Variants in TMEM51 observed in about 807,000 individuals in gnomAD.
TMEM51 encodes the protein chromosome 1 open reading frame 72.
Under a neutral mutation model 13.6 loss-of-function variants are expected in TMEM51, and 8 were observed. That is an observed-to-expected ratio of 0.59 (90% CI 0.35 to 1.07). TMEM51 has a LOEUF of 1.07. TMEM51 is among the 50% of genes least tolerant of loss of function. The probability of loss-of-function intolerance (pLI) is 0.02; values close to 1 mark genes in which losing one functional copy is unlikely to be tolerated. For synonymous variants in TMEM51, 147 were observed against 144.4 expected (o/e 1.02, Z -0.13); for missense variants, 279 against 330.7 (o/e 0.84, Z 1.21).
At position 15,207,455 on chromosome 1, in the gene TMEM51, C is replaced by T. The variant is rs967293757; in HGVS notation, c.-266-3035C>T. On this transcript the variant is annotated intron_variant, in intron 1 of 3. Coordinates refer to ENST00000376008, the MANE Select transcript of TMEM51 (RefSeq NM_001136218.2). The surrounding 1 kb of genome is among the most constrained non-coding windows in gnomAD (Gnocchi z 4.6). ...CCCCGTTTCAGCCGGGGCAGCGCTG[C>T]TTTCCATCGTCCCATCTTATTTCAG... 1.3e-5 allele frequency among the ~76,000 whole-genome samples: 2 copies of T among 152,386 alleles called. No homozygotes were observed. Among genetic ancestry groups the T allele is most frequent in the South Asian group, 4.1e-4 (2 of 4,830 alleles).
intron 1 of TMEM51, among the ~76,000 whole-genome samples, chr1:15,154,971 G>A (rs1227238495): frequency 1.3e-5 from 2 of 152,132 alleles, no homozygotes; most frequent in African/African-American, 4.8e-5. Context: ...CTCTAGGACC[G>A]GCCGGCTTCT....
In TMEM51 at chr1:15,207,617, A is replaced by T. The variant is rs1644273624; in HGVS notation, c.-266-2873A>T. Among the ~76,000 whole-genome samples, 1 of 152,174 alleles carries T rather than the reference A, an allele frequency of 6.6e-6. No homozygotes were observed. The highest frequency in any genetic ancestry group is 6.5e-5 in the Admixed American group (1 of 15,270). On this transcript the variant is annotated intron_variant, in intron 1 of 3. Transcript: ENST00000376008. The surrounding 1 kb of genome is among the most constrained non-coding windows in gnomAD (Gnocchi z 4.6). Reference sequence around the variant, plus strand: ...GCCCCGACTCCTCCACACCCACTGCACAGCCCCTCCCTGCCGGCTCTGGTT... The same window carrying T: ...GCCCCGACTCCTCCACACCCACTGCTCAGCCCCTCCCTGCCGGCTCTGGTT...
chr1:15,215,941 C>T (rs1344228152), intron 3 of TMEM51, among the ~76,000 whole-genome samples: 6 of 152,060 alleles, frequency 3.9e-5, no homozygotes, highest in African/African-American at 7.2e-5. Flanking sequence ...GCATGAGAAT[C>T]GCTTGAACCC....
intron 1 of TMEM51, among the ~76,000 whole-genome samples, chr1:15,200,841 C>T (rs1255940249): frequency 1.3e-5 from 2 of 152,052 alleles, no homozygotes; most frequent in Non-Finnish European, 2.9e-5. Context: ...AAGGGAAAAA[C>T]GACACTAAGA....
intron 1 of TMEM51, among the ~76,000 whole-genome samples, chr1:15,197,653 C>T (rs1644075093): frequency 7.6e-6 from 1 of 132,118 alleles, no homozygotes; most frequent in South Asian, 2.8e-4. Context: ...CGATTATGGG[C>T]ACAGGCTCTG....
intron 1 of TMEM51, among the ~76,000 whole-genome samples, chr1:15,159,623 C>T (rs1642705437): frequency 6.6e-6 from 1 of 152,320 alleles, no homozygotes; most frequent in South Asian, 2.1e-4. Flanking sequence ...GTGGTGCAAT[C>T]TTGGCTCACA....
rs1410109134 is a variant in TMEM51 at position 15,219,999 on chromosome 1, C to G, written c.*256C>G. Reference sequence around the variant, plus strand: ...CTGTGGACCACATTCAAGGGTGTGGCACAGGCATCTTCCCATCCTTTTCAC... The same window carrying G: ...CTGTGGACCACATTCAAGGGTGTGGGACAGGCATCTTCCCATCCTTTTCAC... On this transcript the variant is annotated 3_prime_UTR_variant, in exon 4 of 4. Transcript: ENST00000376008. 3.6e-5 allele frequency: 18 copies of G among 506,820 alleles called. No homozygotes were observed. Among genetic ancestry groups the G allele is most frequent in the Non-Finnish European group, 5.6e-5 (16 of 285,372 alleles). 31.4% of individuals were successfully genotyped at this position (506,820 alleles called of 1,614,324 possible). A position where few individuals can be genotyped will look rare whatever the true frequency, so the allele number is the denominator to read the frequency against.
intron 1 of TMEM51, among the ~76,000 whole-genome samples, chr1:15,194,036 C>T (rs923510018): frequency 7.9e-5 from 12 of 152,338 alleles, no homozygotes; most frequent in African/African-American, 2.9e-4. Flanking sequence ...ATTCAACAAA[C>T]ATCTATTAAG....
chr1:15,152,856 C>A (rs1052844418), upstream of TMEM51: 3 of 152,224 alleles, frequency 2.0e-5, no homozygotes, highest in East Asian at 5.8e-4. Context: ...TCCGGGCCTC[C>A]GTGGATCCGA....
intron 1 of TMEM51, among the ~76,000 whole-genome samples, chr1:15,184,014 T>C (rs565859988): frequency 5.3e-5 from 8 of 152,276 alleles, no homozygotes; most frequent in African/African-American, 1.9e-4. Flanking sequence ...CTTTCCTTCT[T>C]TCCTTTCCTT....
intron 1 of TMEM51, among the ~76,000 whole-genome samples, chr1:15,179,412 A>T (rs1643544491): frequency 6.6e-6 from 1 of 152,202 alleles, no homozygotes. Context: ...AAAGGAAGGA[A>T]AGGAAACGGG....
intron 1 of TMEM51, among the ~76,000 whole-genome samples, chr1:15,177,877 G>A (rs1261733516): frequency 3.3e-5 from 5 of 152,150 alleles, no homozygotes; most frequent in Non-Finnish European, 7.3e-5. Context: ...TAACAACCGC[G>A]CATAGCATGC....
chr1:15,160,226 G>C (rs1337142955), intron 1 of TMEM51, among the ~76,000 whole-genome samples: 1 of 152,156 alleles, frequency 6.6e-6, no homozygotes, highest in Non-Finnish European at 1.5e-5. Context: ...TGGTTAGGGT[G>C]TGGGGCATGA....
intron 1 of TMEM51, 44 bp downstream of exon 1, chr1:15,153,998 C>A (rs7553381): frequency 0.78 from 118,482 of 152,190 alleles, 46,248 homozygotes; most frequent in East Asian, 0.94. Context: ...CTTCCCGCGG[C>A]GCGCTGTCGG....
chr1:15,218,514 A>T (rs10927734), intron 3 of TMEM51, among the ~76,000 whole-genome samples: 25,716 of 152,168 alleles, frequency 0.17, 2,301 homozygotes, highest in East Asian at 0.3. Flanking sequence ...TTTAATCTTG[A>T]TGTATCTCAG....
At chr1:15,217,741 T>G (rs1644452676) in intron 3 of TMEM51, among the ~76,000 whole-genome samples, 1 of 151,994 alleles carries the variant, frequency 6.6e-6, no homozygotes. Flanking sequence ...TGCTCTGACT[T>G]TGGGTCTATC....
intron 2 of TMEM51, among the ~76,000 whole-genome samples, chr1:15,213,765 C>T (rs1644379136): frequency 6.6e-6 from 1 of 152,148 alleles, no homozygotes; most frequent in Non-Finnish European, 1.5e-5. Flanking sequence ...AAAGGGAGAA[C>T]TCGATGTGGT....
At chr1:15,173,960 G>A (rs1643377372) in intron 1 of TMEM51, among the ~76,000 whole-genome samples, 1 of 152,242 alleles carries the variant, frequency 6.6e-6, no homozygotes, top group Non-Finnish European at 1.5e-5. Flanking sequence ...TTAAGGCAGT[G>A]CTCCGGGGCC....
chr1:15,183,819 A>G (rs1478617989), intron 1 of TMEM51, among the ~76,000 whole-genome samples: 1 of 152,244 alleles, frequency 6.6e-6, no homozygotes, highest in African/African-American at 2.4e-5. Flanking sequence ...TGCATGGACA[A>G]CTACTTGCAA....
Sources: allele counts gnomAD v4.1 joint callset (sites outside exome capture counted in the v4.1 genomes callset), GRCh38; gene constraint gnomAD v4.1.1; non-coding constraint Gnocchi (gnomAD v3.1); transcripts MANE v1.5; gene names NCBI Gene and HGNC (gene_info 2026-07-23, HGNC 2026-07-21).